TEX10: variants seen among roughly 807,000 people sequenced by gnomAD.
TEX10 encodes the protein testis-expressed protein 10.
Under a neutral mutation model 104.4 loss-of-function variants are expected in TEX10, and 24 were observed. The ratio of observed to expected loss-of-function variants is 0.23; its 90% CI spans 0.17 to 0.32. TEX10 has a LOEUF of 0.32. Among genes scored for constraint, TEX10 ranks in the 10% least tolerant of loss-of-function variants. The pLI, the probability that TEX10 is intolerant of heterozygous loss-of-function variation, is 1.00. For missense variants in TEX10, 921 were observed against 1,083.9 expected (o/e 0.85, Z 2.11); for synonymous variants, 396 against 393.4 (o/e 1.01, Z -0.08).
intron 5 of TEX10, among the ~76,000 whole-genome samples, chr9:100,334,785 C>T (rs566823360): frequency 6.6e-6 from 1 of 151,992 alleles, no homozygotes; most frequent in South Asian, 2.1e-4. Flanking sequence ...CCACCTCAGG[C>T]TCCCAAGTAT....
At chr9:100,329,430 G>T (rs1039679535) in intron 6 of TEX10, among the ~76,000 whole-genome samples, 155 bp from the exon 7 acceptor site, 47 of 152,220 alleles carry the variant, frequency 3.1e-4, no homozygotes, top group African/African-American at 1.1e-3. Context: ...TATAGCAATA[G>T]CCTAATAAAA....
intron 4 of TEX10, among the ~76,000 whole-genome samples, chr9:100,345,246 G>A (rs997542943): frequency 7.2e-5 from 11 of 152,206 alleles, no homozygotes; most frequent in South Asian, 2.1e-4. Flanking sequence ...AATAGAACAC[G>A]CTCTTAAAAT....
In TEX10 at chr9:100,344,583, C is replaced by T. The variant is rs554254521; in HGVS notation, c.1137+1489G>A. On this transcript the variant is annotated intron_variant, in intron 4 of 14. Transcript: ENST00000374902. ...AAACTAGGCCAGGCGTGGTGGCTCA[C>T]GCCTGTAACCCAACACTTTGGGAGG... 1.8e-4 allele frequency among the ~76,000 whole-genome samples: 27 copies of T among 152,332 alleles called. No individual in the cohort carries two copies. The South Asian group carries it at 2.3e-3, about 13-fold the overall frequency.
At chr9:100,327,451 G>A (rs1834735348) in intron 8 of TEX10, among the ~76,000 whole-genome samples, 1 of 150,866 alleles carries the variant, frequency 6.6e-6, no homozygotes, top group Non-Finnish European at 1.5e-5. Context: ...AGTCATACGA[G>A]ATATTCACTA....
chr9:100,320,347 T>A lies in TEX10; in HGVS notation c.2120A>T (p.His707Leu). Reference protein sequence around the residue: ...TWLQSLRGVPHVIQTQLSPVL... With the variant: ...TWLQSLRGVPLVIQTQLSPVL... ...AGGGGAAAGCTGTGTCTGGATGACA[T>A]GAGGAACTCCTCGAAGGCTCTGAAG... Residue 707 changes from histidine (H) to leucine (L), a missense_variant, in exon 11 of 15, where the codon CAT (histidine) becomes CTT (leucine). By Grantham distance (99) the His-to-Leu change is moderately conservative. This residue lies in a region of TEX10 where 753 missense variants were observed against 868.4 expected (regional missense o/e 0.87). Transcript: ENST00000374902. 6.2e-7 allele frequency: 1 copy of A among 1,613,190 alleles called. No individual in the cohort carries two copies. The highest frequency in any genetic ancestry group is 1.1e-5 in the South Asian group (1 of 90,922).
At chr9:100,339,017 G>A (rs1223292496) in intron 5 of TEX10, among the ~76,000 whole-genome samples, 1 of 151,824 alleles carries the variant, frequency 6.6e-6, no homozygotes, top group African/African-American at 2.4e-5. Flanking sequence ...ACTTTGGGAG[G>A]CTGAGGTGGG....
chr9:100,337,125 C>T (rs941526976), intron 5 of TEX10, among the ~76,000 whole-genome samples: 1 of 152,184 alleles, frequency 6.6e-6, no homozygotes, highest in Non-Finnish European at 1.5e-5. Context: ...GCTCTTCCTT[C>T]ACTATATCTA....
chr9:100,346,248 T>G lies in TEX10; in HGVS notation c.961A>C (p.Ile321Leu), dbSNP rs763360209. 4 of 1,613,944 alleles carry G rather than the reference T, an allele frequency of 2.5e-6. No individual in the cohort carries two copies. Among genetic ancestry groups the G allele is most frequent in the African/African-American group, 1.3e-5 (1 of 74,926 alleles). The change falls in exon 4 of 15, where the codon ATT (isoleucine) becomes CTT (leucine). Residue 321 changes from isoleucine (I) to leucine (L), a missense_variant. Physicochemically the swap from Ile to Leu is conservative, Grantham distance 5. This residue lies in a region of TEX10 where 753 missense variants were observed against 868.4 expected (regional missense o/e 0.87). Coordinates refer to ENST00000374902, the MANE Select transcript of TEX10 (RefSeq NM_017746.4). ...ATTAGCAATGGAATTATTATCTCAA[T>G]AAATCCTTTCAGGTTTTCAGTAGAT... ...LSSTENLKGFIEIIIPLLIEC... is the reference protein window; with the variant it reads ...LSSTENLKGFLEIIIPLLIEC...
intron 11 of TEX10, among the ~76,000 whole-genome samples, chr9:100,317,763 T>A (rs1340977659): frequency 6.6e-6 from 1 of 151,846 alleles, no homozygotes; most frequent in African/African-American, 2.4e-5. Flanking sequence ...AAATTTACAA[T>A]ACAAGGAACT....
chr9:100,341,980 C>T (rs1197358556), intron 4 of TEX10, among the ~76,000 whole-genome samples: 1 of 152,220 alleles, frequency 6.6e-6, no homozygotes, highest in Non-Finnish European at 1.5e-5. Context: ...ATCCAAACTC[C>T]TTACCAGGGA....
Position 100,326,480 on chromosome 9 carries a change from C to G in TEX10, c.1802-1G>C. The G allele has an allele frequency of 6.2e-7, 1 of 1,612,426 alleles. No homozygotes were observed. Among genetic ancestry groups the G allele is most frequent in the Non-Finnish European group, 8.5e-7 (1 of 1,179,242 alleles). On this transcript the variant is annotated splice_acceptor_variant, in intron 8 of 14. Transcript: ENST00000374902. LOFTEE classifies it high-confidence loss of function. ...ACCACCACAGCACCTTCTTGTGGAT[C>G]TAGTGAGGTGGATAGACATATTAAA...
intron 5 of TEX10, among the ~76,000 whole-genome samples, chr9:100,333,033 G>A (rs1023268849): frequency 8.6e-5 from 13 of 151,872 alleles, no homozygotes; most frequent in Non-Finnish European, 1.6e-4. Flanking sequence ...GAGACAGAGT[G>A]TTGCTCTGTC....
Position 100,308,659 on chromosome 9 carries a change from T to C in TEX10, c.2306A>G (p.Asp769Gly). The change falls in exon 13 of 15, where the codon GAC (aspartate) becomes GGC (glycine). Residue 769 changes from aspartate to glycine, a missense_variant. Physicochemically the swap from Asp to Gly is moderately conservative, Grantham distance 94 (BLOSUM62 -1). This residue lies in a region of TEX10 where 753 missense variants were observed against 868.4 expected (regional missense o/e 0.87). Coordinates refer to ENST00000374902, the MANE Select transcript of TEX10 (RefSeq NM_017746.4). Reference protein sequence around the residue: ...KHLVGLTVIPDSTAGCVFGVI... With the variant: ...KHLVGLTVIPGSTAGCVFGVI... ...ACCAAAAACACAGCCAGCCGTGCTG[T>C]CAGGAATTACAGTCAACCCAACCTA... 6.2e-7 allele frequency: 1 copy of C among 1,606,464 alleles called. No homozygotes were observed. Among genetic ancestry groups the C allele is most frequent in the Non-Finnish European group, 8.5e-7 (1 of 1,177,110 alleles).
At chr9:100,326,165 G>T in intron 9 of TEX10, 137 bp downstream of exon 9, 2 of 853,034 alleles carry the variant, frequency 2.3e-6, no homozygotes, top group Non-Finnish European at 3.5e-6. Flanking sequence ...TCTACCTAGT[G>T]ATATAGTTTT....
chr9:100,302,707 G>A (rs895818652), intron 14 of TEX10, among the ~76,000 whole-genome samples: 2 of 152,064 alleles, frequency 1.3e-5, no homozygotes, highest in African/African-American at 4.8e-5. Flanking sequence ...ACAAAGATGG[G>A]CTGATTCCCC....
intron 8 of TEX10, 55 bp from the exon 9 acceptor site, chr9:100,326,534 G>A: frequency 1.3e-6 from 2 of 1,516,500 alleles, no homozygotes; most frequent in South Asian, 1.3e-5. Flanking sequence ...GCAAACCAGA[G>A]ATTAATAAAG....
intron 11 of TEX10, among the ~76,000 whole-genome samples, chr9:100,319,071 A>T (rs2118858750): frequency 6.6e-6 from 1 of 152,236 alleles, no homozygotes; most frequent in Non-Finnish European, 1.5e-5. Context: ...GGGCGCCTGT[A>T]ATCCCAGCTA....
At chr9:100,313,675 C>T (rs1370225879) in intron 11 of TEX10, among the ~76,000 whole-genome samples, 1 of 151,744 alleles carries the variant, frequency 6.6e-6, no homozygotes, top group Non-Finnish European at 1.5e-5. Flanking sequence ...ATGGTGAAAC[C>T]CCGTCTCTAC....
chr9:100,327,932 C>G lies in TEX10; in HGVS notation c.1656G>C (p.Leu552=). Residue 552 remains leucine, a synonymous_variant, in exon 8 of 15, where the codon CTG becomes CTC. Coordinates refer to ENST00000374902, the MANE Select transcript of TEX10 (RefSeq NM_017746.4). ...GAGCAAGTTGCAATGGTAAGCCAGC[C>G]AGCCAACGGGATAACACTTTACTAC... ...RYRSKVLSRW[L]AGLPLQLAHL... 1.3e-6 allele frequency: 2 copies of G among 1,593,368 alleles called. No homozygotes were observed. The highest frequency in any genetic ancestry group is 1.7e-6 in the Non-Finnish European group (2 of 1,166,392).
Sources: gnomAD v4.1 joint callset for allele counts (sites outside exome capture counted in the v4.1 genomes callset) on GRCh38, gnomAD v4.1.1 for gene constraint, gnomAD v4.1.1 regional missense constraint, MANE v1.5 for transcripts, NCBI Gene and HGNC (gene_info 2026-07-23, HGNC 2026-07-21) for gene names.